The following FAM151B variants were observed in gnomAD, a reference collection of about 807,000 sequenced individuals.
FAM151B encodes family with sequence similarity 151 member B.
FAM151B carries 24 observed loss-of-function variants against 31.2 expected under a neutral mutation model. That is an observed-to-expected ratio of 0.77 (90% CI 0.56 to 1.08). FAM151B has a LOEUF of 1.08. Ranked by LOEUF, FAM151B falls within the 50% of genes least tolerant of loss-of-function variation. The pLI, the probability that FAM151B is intolerant of heterozygous loss-of-function variation, is 0.00. For synonymous variants in FAM151B, 105 were observed against 111.4 expected, an observed-to-expected ratio of 0.94 and a Z score of 0.36; for missense variants, 293 against 328.6, an observed-to-expected ratio of 0.89 and a Z score of 0.84.
At chr5:80,504,162 G>A (rs1179112632) in intron 2 of FAM151B, among the ~76,000 whole-genome samples, 1 of 152,112 alleles carries the variant, frequency 6.6e-6, no homozygotes, top group Admixed American at 6.6e-5. Context: ...CACTTCCTGT[G>A]ATCTTTCTTG....
intron 1 of FAM151B, 58 bp from the exon 2 acceptor site, chr5:80,501,734 T>A (rs2112606836): frequency 3.7e-6 from 5 of 1,349,402 alleles, no homozygotes; most frequent in Non-Finnish European, 5.1e-6. Context: ...AAAGTGATTT[T>A]AAAAATTTTA....
At chr5:80,508,744 G>A (rs1339607869) in intron 2 of FAM151B, among the ~76,000 whole-genome samples, 2 of 152,048 alleles carry the variant, frequency 1.3e-5, no homozygotes, top group Non-Finnish European at 1.5e-5. Flanking sequence ...CCACACCCCC[G>A]TCTCTTTGAG....
intron 2 of FAM151B, among the ~76,000 whole-genome samples, chr5:80,503,576 A>C (rs996392134): frequency 6.6e-6 from 1 of 152,168 alleles, no homozygotes; most frequent in Non-Finnish European, 1.5e-5. Context: ...TCTCAAAAAA[A>C]AAGAAAGAAA....
At chr5:80,494,777 G>A (rs1302045958) in intron 1 of FAM151B, among the ~76,000 whole-genome samples, 2 of 152,048 alleles carry the variant, frequency 1.3e-5, no homozygotes, top group Admixed American at 6.6e-5. Flanking sequence ...GCCTCCCAAA[G>A]TGCTGGGACT....
At chr5:80,524,405 C>T (rs1322305704) in intron 5 of FAM151B, among the ~76,000 whole-genome samples, 3 of 152,040 alleles carry the variant, frequency 2.0e-5, no homozygotes, top group Non-Finnish European at 4.4e-5. Context: ...CTATAGTCCT[C>T]CTACTGTCCA....
At chr5:80,492,968 C>A (rs973241036) in intron 1 of FAM151B, among the ~76,000 whole-genome samples, 1 of 152,028 alleles carries the variant, frequency 6.6e-6, no homozygotes, top group Non-Finnish European at 1.5e-5. Context: ...AAAACAAAAA[C>A]AAAATCAAAA....
intron 3 of FAM151B, among the ~76,000 whole-genome samples, chr5:80,516,051 G>A (rs1474822077): frequency 6.6e-6 from 1 of 152,146 alleles, no homozygotes. Flanking sequence ...TTGGCTGGGC[G>A]CAGTGGCTCA....
At chr5:80,526,988 A>C (rs1161657707) in intron 5 of FAM151B, among the ~76,000 whole-genome samples, 1 of 152,252 alleles carries the variant, frequency 6.6e-6, no homozygotes, top group African/African-American at 2.4e-5. Context: ...TGAGAACTCT[A>C]GAACAGTGTT....
At chr5:80,515,308 C>T (rs1744386524) in intron 3 of FAM151B, among the ~76,000 whole-genome samples, 1 of 152,194 alleles carries the variant, frequency 6.6e-6, no homozygotes, top group Non-Finnish European at 1.5e-5. Context: ...GGTTCAATTT[C>T]ATTTTATTGA....
At chr5:80,498,898 G>T in intron 1 of FAM151B, 1 of 325,554 alleles carries the variant, frequency 3.1e-6, no homozygotes. Context: ...CCTGGATTTT[G>T]GCCTTTACCT....
chr5:80,503,828 G>T (rs1743840476), intron 2 of FAM151B, among the ~76,000 whole-genome samples: 1 of 152,072 alleles, frequency 6.6e-6, no homozygotes, highest in South Asian at 2.1e-4. Flanking sequence ...GCTCCTGTGG[G>T]TGAGGCAACG....
chr5:80,498,333 T>A (rs893709935), intron 1 of FAM151B, among the ~76,000 whole-genome samples: 43 of 152,200 alleles, frequency 2.8e-4, no homozygotes, highest in Non-Finnish European at 6.0e-4. Flanking sequence ...CCTTTTTTTT[T>A]TAAATTCTGC....
At position 80,494,837 on chromosome 5, in the gene FAM151B, A is replaced by T. The variant is rs567156062; in HGVS notation, c.25+6689A>T. 2.0e-5 allele frequency among the ~76,000 whole-genome samples: 3 copies of T among 151,864 alleles called. No individual in the cohort carries two copies. In the South Asian group the frequency reaches 6.2e-4, roughly 32 times the overall value. ...CCAACAATAGATTGTCAGTGTAAAT[A>T]AAACAGCCTTCTATTGTAAGAAGAT... On this transcript the variant is annotated intron_variant, in intron 1 of 5. Transcript: ENST00000282226.
intron 2 of FAM151B, among the ~76,000 whole-genome samples, chr5:80,510,380 T>C (rs138954334): frequency 6.6e-6 from 1 of 152,336 alleles, no homozygotes; most frequent in African/African-American, 2.4e-5. Context: ...TAATCTTGCA[T>C]GAATGTCTTT....
At chr5:80,513,917 G>T in intron 3 of FAM151B, 148 bp downstream of exon 3, 1 of 755,984 alleles carries the variant, frequency 1.3e-6, no homozygotes, top group Non-Finnish European at 1.9e-6. Context: ...AAGACCCACT[G>T]AGTTATTTAC....
intron 5 of FAM151B, among the ~76,000 whole-genome samples, chr5:80,531,288 A>G (rs1745233004): frequency 6.6e-6 from 1 of 152,224 alleles, no homozygotes; most frequent in Non-Finnish European, 1.5e-5. Flanking sequence ...AAAACCCTAG[A>G]AGAAAACCTA....
intron 1 of FAM151B, among the ~76,000 whole-genome samples, chr5:80,493,448 T>C (rs962021764): frequency 2.4e-4 from 37 of 152,188 alleles, no homozygotes; most frequent in African/African-American, 8.9e-4. Context: ...ATAGGGAAGA[T>C]AACCATAAGG....
chr5:80,495,368 T>A (rs1743492558), intron 1 of FAM151B: 1 of 152,120 alleles, frequency 6.6e-6, no homozygotes, highest in Non-Finnish European at 1.5e-5. Flanking sequence ...CTGATGGATG[T>A]GGGCAAAGAG....
chr5:80,494,106 TC>T (rs1029312030), intron 1 of FAM151B, among the ~76,000 whole-genome samples: 1 of 152,152 alleles, frequency 6.6e-6, no homozygotes, highest in African/African-American at 2.4e-5. Flanking sequence ...GGGGGCTGGT[TC>T]CCCCGATATA....
Sources: allele counts gnomAD v4.1 joint callset (sites outside exome capture counted in the v4.1 genomes callset), GRCh38; gene constraint gnomAD v4.1.1; transcripts MANE v1.5; gene names NCBI Gene and HGNC (gene_info 2026-07-23, HGNC 2026-07-21).